Variants in MMP27 observed in about 807,000 individuals in gnomAD.
MMP27 encodes the protein matrix metalloproteinase-27.
Under a neutral mutation model 48.1 loss-of-function variants are expected in MMP27, and 51 were observed. That is an observed-to-expected ratio of 1.06 (90% CI 0.85 to 1.34). MMP27 has a LOEUF of 1.34. MMP27 is among the 40% of genes most tolerant of loss of function. The pLI is 0.00. For missense variants in MMP27, 698 were observed against 619.3 expected (o/e 1.13, Z -1.35); for synonymous variants, 229 against 208.9 (o/e 1.10, Z -0.83).
At chr11:102,700,598 T>C (rs933681609) in intron 4 of MMP27, among the ~76,000 whole-genome samples, 1 of 152,242 alleles carries the variant, frequency 6.6e-6, no homozygotes, top group African/African-American at 2.4e-5. Context: ...ATTACTTGAC[T>C]TGCCCCGGGT....
Position 102,691,626 on chromosome 11 carries a change from AT to A in MMP27, c.*139del. 1 of 686,932 alleles carries A rather than the reference AT, an allele frequency of 1.5e-6. No homozygotes were observed. Among genetic ancestry groups the A allele is most frequent in the Non-Finnish European group, 2.3e-6 (1 of 436,094 alleles). 42.6% of individuals were successfully genotyped at this position (686,932 alleles called of 1,614,324 possible). A position where few individuals can be genotyped will look rare whatever the true frequency, so the allele number is the denominator to read the frequency against. On this transcript the variant is annotated 3_prime_UTR_variant, in exon 10 of 10. Transcript: ENST00000260229. ...TACATAATAACTTCCTATTAAAAGA[AT>A]CAGGCAGCTCAAAATGGCCATTGAA...
chr11:102,704,951 A>C (rs1478406871), intron 1 of MMP27, among the ~76,000 whole-genome samples, 176 bp from the exon 2 acceptor site: 1 of 152,168 alleles, frequency 6.6e-6, no homozygotes, highest in Admixed American at 6.5e-5. Flanking sequence ...AAGGACACAA[A>C]GAGGAAAATA....
Position 102,695,037 on chromosome 11 carries a change from G to C in MMP27, c.963C>G (p.Phe321Leu). Residue 321 changes from phenylalanine to leucine, a missense_variant, in exon 7 of 10, where the codon TTC becomes TTG. Physicochemically the swap from Phe to Leu is conservative, Grantham distance 22 (BLOSUM62 0). Transcript: ENST00000260229. Reference sequence around the variant, plus strand: ...GCAGATCAGCTGGCAGAGATGGCCAGAATGAAGCAATTAATTCAAACTCAA... The same window carrying C: ...GCAGATCAGCTGGCAGAGATGGCCACAATGAAGCAATTAATTCAAACTCAA... Reference protein sequence around the residue: ...TDVEFELIASFWPSLPADLQA... With the variant: ...TDVEFELIASLWPSLPADLQA... The C allele has an allele frequency of 6.2e-7, 1 of 1,613,982 alleles. No homozygotes were observed. Among genetic ancestry groups the C allele is most frequent in the African/African-American group, 1.3e-5 (1 of 75,018 alleles).
At chr11:102,700,841 T>C (rs955637354) in intron 4 of MMP27, among the ~76,000 whole-genome samples, 2 of 152,226 alleles carry the variant, frequency 1.3e-5, no homozygotes, top group East Asian at 1.9e-4. Flanking sequence ...GACATCCCCA[T>C]GCGATGACCT....
chr11:102,693,037 C>T lies in MMP27; in HGVS notation c.1198G>A (p.Asp400Asn). The change falls in exon 9 of 10, where the codon GAT becomes AAT. Residue 400 changes from aspartate to asparagine, a missense_variant. Physicochemically the swap from Asp to Asn is conservative, Grantham distance 23. Transcript: ENST00000260229. ...TTGTCCATGGTTTGGGTCATTTCAT[C>T]AAACCTGCATACAAGAATATGAAAG... is the stretch of plus-strand genomic sequence containing the variant. ...FFVGIWCWRF[D>N]EMTQTMDKGF... The T allele has an allele frequency of 6.2e-7, 1 of 1,612,098 alleles. No homozygotes were observed. Among genetic ancestry groups the T allele is most frequent in the Non-Finnish European group, 8.5e-7 (1 of 1,178,554 alleles).
chr11:102,696,851 G>A lies in MMP27; in HGVS notation c.620-16C>T, dbSNP rs1860841032. Reference sequence around the variant, plus strand: ...AAGTTGAATCCTTGATAATAACAGGGAAAACACGAGCACATGACTTAATCA... The same window carrying A: ...AAGTTGAATCCTTGATAATAACAGGAAAAACACGAGCACATGACTTAATCA... On this transcript the variant is annotated splice_polypyrimidine_tract_variant and intron_variant, in intron 4 of 9. Transcript: ENST00000260229. The A allele has an allele frequency of 1.2e-6, 2 of 1,602,364 alleles. No individual in the cohort carries two copies. Among genetic ancestry groups the A allele is most frequent in the African/African-American group, 1.3e-5 (1 of 74,404 alleles).
At chr11:102,694,351 G>T (rs181854944) in intron 7 of MMP27, among the ~76,000 whole-genome samples, 2 of 152,264 alleles carry the variant, frequency 1.3e-5, no homozygotes, top group Admixed American at 1.3e-4. Flanking sequence ...AGTAAGCAAT[G>T]CATATATGTA....
chr11:102,702,740 A>C lies in MMP27; in HGVS notation c.619+13T>G. ...AATAATAAGATTTTGTTCATAAAGA[A>C]AATTAGACTCACCTGCTCCATCCTT... is the stretch of plus-strand genomic sequence containing the variant. On this transcript the variant is annotated intron_variant, in intron 4 of 9. Transcript: ENST00000260229. 3 of 1,586,208 alleles carry C rather than the reference A, an allele frequency of 1.9e-6. No homozygotes were observed. Among genetic ancestry groups the C allele is most frequent in the Non-Finnish European group, 2.6e-6 (3 of 1,172,262 alleles).
At position 102,705,751 on chromosome 11, in the gene MMP27, A is replaced by G; in HGVS notation, c.-37T>C. On this transcript the variant is annotated 5_prime_UTR_variant, in exon 1 of 10. Coordinates refer to ENST00000260229, the MANE Select transcript of MMP27 (RefSeq NM_022122.3). ...TTCAGCTGAAGCCGGTTCTGTTAGC[A>G]CAGAATTTAGAAAATAATAGTGAGA... 1 of 1,445,020 alleles carries G rather than the reference A, an allele frequency of 6.9e-7. No individual in the cohort carries two copies. Among genetic ancestry groups the G allele is most frequent in the Non-Finnish European group, 9.5e-7 (1 of 1,048,906 alleles). The allele number at this position is 1,445,020 out of a possible 1,614,324, so 89.5% of individuals were successfully genotyped here.
intron 8 of MMP27, among the ~76,000 whole-genome samples, chr11:102,693,406 T>C (rs1475536683): frequency 6.6e-6 from 1 of 152,188 alleles, no homozygotes. Context: ...TATCTTTTTT[T>C]TTAAATTGAA....
chr11:102,695,658 T>C (rs1021514353), intron 6 of MMP27, among the ~76,000 whole-genome samples: 1 of 152,210 alleles, frequency 6.6e-6, no homozygotes, highest in Non-Finnish European at 1.5e-5. Flanking sequence ...TAACATGTGA[T>C]TGTAACGCGA....
intron 4 of MMP27, among the ~76,000 whole-genome samples, chr11:102,700,500 C>T (rs2701992): frequency 0.45 from 67,738 of 152,044 alleles, 15,185 homozygotes; most frequent in Middle Eastern, 0.48. Flanking sequence ...CCTTTATTAA[C>T]CTAGTTAGGG....
intron 6 of MMP27, 138 bp downstream of exon 6, chr11:102,696,229 GCATT>G: frequency 1.4e-6 from 1 of 727,648 alleles, no homozygotes; most frequent in East Asian, 2.8e-5. Context: ...ATATGGTAAA[GCATT>G]CAAACAGTAT....
At chr11:102,701,160 G>A (rs1860932690) in intron 4 of MMP27, among the ~76,000 whole-genome samples, 1 of 152,160 alleles carries the variant, frequency 6.6e-6, no homozygotes, top group African/African-American at 2.4e-5. Flanking sequence ...TACTCTGAGG[G>A]ACTGAAATAA....
Position 102,692,995 on chromosome 11 carries a change from C to T in MMP27, c.1240G>A (p.Val414Met), listed in dbSNP as rs61753773. 239 of 1,613,842 alleles carry T rather than the reference C, an allele frequency of 1.5e-4. No individual in the cohort carries two copies. In the African/African-American group the frequency reaches 3.1e-3, roughly 21 times the overall value. Residue 414 changes from valine (V) to methionine (M), a missense_variant, in exon 9 of 10, where the codon GTG (valine) becomes ATG (methionine). By Grantham distance (21) the Val-to-Met change is conservative. Transcript: ENST00000260229. ...CTGATTCCAGGAAAGTGTTTTACCA[C>T]TCTCTGCGGGAACCCTTTGTCCATG... The part of the protein sequence containing the change: ...QTMDKGFPQR[V>M]VKHFPGISIR...
At chr11:102,695,250 T>G (rs1239126546) in intron 6 of MMP27, among the ~76,000 whole-genome samples, 153 bp from the exon 7 acceptor site, 1 of 152,200 alleles carries the variant, frequency 6.6e-6, no homozygotes, top group Non-Finnish European at 1.5e-5. Flanking sequence ...TTTAGGTGAT[T>G]GTGAGTTCAG....
Position 102,704,524 on chromosome 11 carries a change from G to T in MMP27, c.341+13C>A. ...CTTTGGATTAGGCGGAAATAAGCTG[G>T]CAGAAGCATTACCTGTAGGTGAGGT... On this transcript the variant is annotated intron_variant, in intron 2 of 9. Coordinates refer to ENST00000260229, the MANE Select transcript of MMP27 (RefSeq NM_022122.3). 6.4e-7 allele frequency: 1 copy of T among 1,570,924 alleles called. No homozygotes were observed. Among genetic ancestry groups the T allele is most frequent in the Non-Finnish European group, 8.7e-7 (1 of 1,143,154 alleles).
chr11:102,696,398 C>T lies in MMP27; in HGVS notation c.875G>A (p.Arg292His), dbSNP rs372783671. ...DLTFDAITTFRREVMFFKGRH... is the reference protein window; with the variant it reads ...DLTFDAITTFHREVMFFKGRH... ...GCCTTTAAAGAACATTACTTCTCTG[C>T]GGAAAGTTGTGATAGCGTCAAAAGT... Residue 292 changes from arginine (R) to histidine (H), a missense_variant, in exon 6 of 10, where the codon CGC becomes CAC. Transcript: ENST00000260229. 2.5e-5 allele frequency: 40 copies of T among 1,613,522 alleles called. No homozygotes were observed. The highest frequency in any genetic ancestry group is 1.6e-4 in the East Asian group (7 of 44,870).
In MMP27 at chr11:102,703,137, T is replaced by C. The variant is rs1216204531; in HGVS notation, c.342-19A>G. 6.2e-7 allele frequency: 1 copy of C among 1,604,640 alleles called. No individual in the cohort carries two copies. Among genetic ancestry groups the C allele is most frequent in the Non-Finnish European group, 8.5e-7 (1 of 1,176,774 alleles). Reference sequence around the variant, plus strand: ...TATTATTCTTAAAAATTAACAAAAATATGTCAATTTCTGGCTTATTCATGC... The same window carrying C: ...TATTATTCTTAAAAATTAACAAAAACATGTCAATTTCTGGCTTATTCATGC... On this transcript the variant is annotated intron_variant, in intron 2 of 9. Coordinates refer to ENST00000260229, the MANE Select transcript of MMP27 (RefSeq NM_022122.3).
Sources: gnomAD v4.1 joint callset for allele counts (sites outside exome capture counted in the v4.1 genomes callset) on GRCh38, gnomAD v4.1.1 for gene constraint, MANE v1.5 for transcripts, NCBI Gene and HGNC (gene_info 2026-07-23, HGNC 2026-07-21) for gene names.